ZDHHC20: variants seen among roughly 807,000 people sequenced by gnomAD.
ZDHHC20 encodes palmitoyltransferase ZDHHC20.
In ZDHHC20, 43 loss-of-function variants were observed where a neutral mutation model predicts 57.8. The observed-to-expected ratio is 0.74, with a 90% confidence interval of 0.58 to 0.96. ZDHHC20 has a LOEUF of 0.96. Among genes scored for constraint, ZDHHC20 ranks in the 40% least tolerant of loss-of-function variants. ZDHHC20 has a pLI of 0.00. For missense variants in ZDHHC20, 391 were observed against 441.1 expected, an observed-to-expected ratio of 0.89 and a Z score of 1.02; for synonymous variants, 157 against 153.0, an observed-to-expected ratio of 1.03 and a Z score of -0.19.
At chr13:21,392,365 T>C (rs892003288) in intron 7 of ZDHHC20, among the ~76,000 whole-genome samples, 1 of 152,226 alleles carries the variant, frequency 6.6e-6, no homozygotes. Context: ...TACAAAAATA[T>C]TTGCTTATTT....
intron 3 of ZDHHC20, among the ~76,000 whole-genome samples, chr13:21,416,300 T>C (rs993389258): frequency 2.0e-5 from 3 of 151,368 alleles, no homozygotes; most frequent in Non-Finnish European, 4.4e-5. Flanking sequence ...AGATGAGGAA[T>C]GGAACAAAAC....
chr13:21,442,425 C>A (rs777510549), intron 1 of ZDHHC20, among the ~76,000 whole-genome samples: 10 of 152,164 alleles, frequency 6.6e-5, no homozygotes, highest in Admixed American at 3.3e-4. Context: ...TATTTCAGAT[C>A]TTCCTGCTCG....
chr13:21,437,841 GC>G (rs1882713153), intron 1 of ZDHHC20, among the ~76,000 whole-genome samples: 4 of 152,102 alleles, frequency 2.6e-5, no homozygotes, highest in Admixed American at 2.6e-4. Flanking sequence ...ACAGGCGCCC[GC>G]CACCACGCCT....
intron 4 of ZDHHC20, among the ~76,000 whole-genome samples, chr13:21,405,718 T>G (rs34178590): frequency 0.013 from 1,932 of 152,340 alleles, 21 homozygotes; most frequent in Middle Eastern, 0.031. Context: ...TCTCCTCCAC[T>G]ATCGCTTAAA....
At chr13:21,380,869 T>C (rs1873250564) in intron 11 of ZDHHC20, among the ~76,000 whole-genome samples, 1 of 151,898 alleles carries the variant, frequency 6.6e-6, no homozygotes, top group African/African-American at 2.4e-5. Flanking sequence ...TGGAGAAATA[T>C]GTGGCTGGGT....
intron 1 of ZDHHC20, among the ~76,000 whole-genome samples, chr13:21,444,208 C>G (rs1883456811): frequency 2.6e-5 from 4 of 152,074 alleles, no homozygotes; most frequent in Admixed American, 2.6e-4. Flanking sequence ...CCAGGAATAC[C>G]TCACCTCCCT....
intron 7 of ZDHHC20, among the ~76,000 whole-genome samples, chr13:21,394,990 T>C (rs1362199282): frequency 2.0e-5 from 3 of 152,210 alleles, no homozygotes; most frequent in African/African-American, 7.2e-5. Context: ...TATAATTATA[T>C]TCTTCCTAAC....
intron 1 of ZDHHC20, among the ~76,000 whole-genome samples, chr13:21,445,134 G>A (rs900573567): frequency 3.3e-5 from 5 of 151,852 alleles, no homozygotes; most frequent in African/African-American, 4.8e-5. Flanking sequence ...GAGAGGTTTT[G>A]TCTTATTTGC....
chr13:21,441,510 C>T (rs1027209664), intron 1 of ZDHHC20, among the ~76,000 whole-genome samples: 7 of 149,870 alleles, frequency 4.7e-5, no homozygotes, highest in African/African-American at 1.7e-4. Flanking sequence ...CTCAGCCTCC[C>T]AAGTAGCTGG....
intron 7 of ZDHHC20, among the ~76,000 whole-genome samples, chr13:21,395,968 C>T (rs7320749): frequency 0.2 from 31,114 of 152,018 alleles, 4,809 homozygotes; most frequent in East Asian, 0.74. Flanking sequence ...ACACTGAGAA[C>T]CACCTCTTCT....
At chr13:21,435,093 T>G (rs932727442) in intron 1 of ZDHHC20, among the ~76,000 whole-genome samples, 2 of 152,230 alleles carry the variant, frequency 1.3e-5, no homozygotes, top group Non-Finnish European at 2.9e-5. Flanking sequence ...TGCAGTCTAC[T>G]CAATGAAGTT....
At chr13:21,406,613 T>TG (rs1878482707) in intron 4 of ZDHHC20, among the ~76,000 whole-genome samples, 2 of 150,158 alleles carry the variant, frequency 1.3e-5, no homozygotes, top group Non-Finnish European at 3.0e-5. Flanking sequence ...CAACTCCCAC[T>TG]TATAAGTGAG....
At position 21,375,031 on chromosome 13, in the gene ZDHHC20, G is replaced by A. The variant is rs758360075; in HGVS notation, c.*1665C>T. On this transcript the variant is annotated 3_prime_UTR_variant, in exon 13 of 13. Coordinates refer to ENST00000400590, the MANE Select transcript of ZDHHC20 (RefSeq NM_001330059.2). ...AGCCTGTAATCCCAGCTACTTGGGAGGCTGAGGCAGGAGACTCTATTGAAC... is the reference window on the plus strand; with the variant it reads ...AGCCTGTAATCCCAGCTACTTGGGAAGCTGAGGCAGGAGACTCTATTGAAC... 2.3e-6 allele frequency: 1 copy of A among 425,618 alleles called. No individual in the cohort carries two copies. Among genetic ancestry groups the A allele is most frequent in the Admixed American group, 2.7e-5 (1 of 37,444 alleles). 26.4% of individuals were successfully genotyped at this position (425,618 alleles called of 1,614,324 possible).
chr13:21,423,307 G>C (rs570615540), intron 2 of ZDHHC20, among the ~76,000 whole-genome samples: 40 of 152,116 alleles, frequency 2.6e-4, no homozygotes, highest in Non-Finnish European at 5.3e-4. Flanking sequence ...TTAAAAACTG[G>C]TTTCTCAAAA....
At chr13:21,396,858 A>AAAC (rs1876873186) in intron 7 of ZDHHC20, among the ~76,000 whole-genome samples, 1 of 115,432 alleles carries the variant, frequency 8.7e-6, no homozygotes, top group Non-Finnish European at 2.0e-5. Context: ...AAGAAAGAAA[A>AAAC]CTCAGAAAAT....
chr13:21,459,128 C>T lies in ZDHHC20; in HGVS notation c.44G>A (p.Gly15Asp), dbSNP rs1488548710. The change falls in exon 1 of 13, where the codon GGC becomes GAC. Residue 15 changes from glycine to aspartate, a missense_variant. Gly to Asp is a moderately conservative substitution (Grantham distance 94). Coordinates refer to ENST00000400590, the MANE Select transcript of ZDHHC20 (RefSeq NM_001330059.2). ...GGTGATGAAGAGCACCGGCACCCAGCCCACGACGCGCTGGCAGCAGCGCCA... is the reference window on the plus strand; with the variant it reads ...GGTGATGAAGAGCACCGGCACCCAGTCCACGACGCGCTGGCAGCAGCGCCA... ...TLWRCCQRVV[G>D]WVPVLFITFV... 6.2e-7 allele frequency: 1 copy of T among 1,606,860 alleles called. No individual in the cohort carries two copies. The highest frequency in any genetic ancestry group is 8.5e-7 in the Non-Finnish European group (1 of 1,177,290).
At chr13:21,415,485 A>G (rs1440582030) in intron 3 of ZDHHC20, among the ~76,000 whole-genome samples, 1 of 152,170 alleles carries the variant, frequency 6.6e-6, no homozygotes, top group Non-Finnish European at 1.5e-5. Flanking sequence ...GGACAGTAAG[A>G]AGTCAGGAAA....
intron 1 of ZDHHC20, among the ~76,000 whole-genome samples, chr13:21,446,537 T>C (rs1453131935): frequency 6.6e-6 from 1 of 152,234 alleles, no homozygotes; most frequent in East Asian, 1.9e-4. Context: ...GTAAAATGCA[T>C]TGGGAAAGCC....
chr13:21,376,071 T>C lies in ZDHHC20; in HGVS notation c.*625A>G, dbSNP rs1295504349. 6.6e-6 allele frequency: 1 copy of C among 152,232 alleles called. No homozygotes were observed. Among genetic ancestry groups the C allele is most frequent in the Non-Finnish European group, 1.5e-5 (1 of 68,040 alleles). 9.4% of individuals were successfully genotyped at this position (152,232 alleles called of 1,614,324 possible). A position where few individuals can be genotyped will look rare whatever the true frequency, so the allele number is the denominator to read the frequency against. ...GCTTTCGATGAATTAGACCAATGTG[T>C]TCTATGTTCTAAATGATATTTAGAT... On this transcript the variant is annotated 3_prime_UTR_variant, in exon 13 of 13. Transcript: ENST00000400590.
Sources: gnomAD v4.1 joint callset for allele counts (sites outside exome capture counted in the v4.1 genomes callset) on GRCh38, gnomAD v4.1.1 for gene constraint, MANE v1.5 for transcripts, NCBI Gene and HGNC (gene_info 2026-07-23, HGNC 2026-07-21) for gene names.